Variants in SLC24A3 observed in about 807,000 individuals in gnomAD.
SLC24A3 encodes solute carrier family 24 member 3.
A neutral mutation model predicts 75.8 loss-of-function variants in SLC24A3; 28 were observed. That is an observed-to-expected ratio of 0.37 (90% confidence interval 0.27 to 0.51). The LOEUF is 0.51. SLC24A3 is among the 20% of genes least tolerant of loss of function. The pLI, the probability that SLC24A3 is intolerant of heterozygous loss-of-function variation, is 0.94. For synonymous variants in SLC24A3, 372 were observed against 334.1 expected, an observed-to-expected ratio of 1.11 and a Z score of -1.24; for missense variants, 663 against 847.8, an observed-to-expected ratio of 0.78 and a Z score of 2.71.
chr20:19,460,048 G>T (rs1372213074), intron 2 of SLC24A3, among the ~76,000 whole-genome samples: 1 of 152,178 alleles, frequency 6.6e-6, no homozygotes, highest in Non-Finnish European at 1.5e-5. Context: ...TAGAAAAGAA[G>T]TGGGCCAGGG....
chr20:19,376,617 G>A (rs1333516930), intron 2 of SLC24A3, among the ~76,000 whole-genome samples: 1 of 151,472 alleles, frequency 6.6e-6, no homozygotes, highest in Non-Finnish European at 1.5e-5. Flanking sequence ...TTTTCTGAAA[G>A]GTCATTGCCA....
intron 2 of SLC24A3, among the ~76,000 whole-genome samples, chr20:19,379,878 A>C (rs1456479842): frequency 1.3e-5 from 2 of 152,238 alleles, no homozygotes; most frequent in African/African-American, 4.8e-5. Flanking sequence ...GTATTCTTAT[A>C]GAATTGCTAA....
Position 19,406,707 on chromosome 20 carries a change from T to G in SLC24A3, c.272-108781T>G, listed in dbSNP as rs553060620. On this transcript the variant is annotated intron_variant, in intron 2 of 16. Coordinates refer to ENST00000328041, the MANE Select transcript of SLC24A3 (RefSeq NM_020689.4). ...GGGGAAATCATTACATTTGGGGACC[T>G]GGGGGTGCAGTAGACATCACAGCGT... Among the ~76,000 whole-genome samples, 33 of 152,168 alleles carry G rather than the reference T, an allele frequency of 2.2e-4. 2 individuals carry two copies. Among genetic ancestry groups the G allele is most frequent in the Admixed American group, 1.8e-3 (27 of 15,286 alleles).
chr20:19,428,798 A>G (rs1250104267), intron 2 of SLC24A3, among the ~76,000 whole-genome samples: 1 of 152,170 alleles, frequency 6.6e-6, no homozygotes, highest in Admixed American at 6.5e-5. Context: ...AATTGTAGCT[A>G]TTTAACCTGC....
intron 2 of SLC24A3, among the ~76,000 whole-genome samples, chr20:19,300,783 A>G (rs569853254): frequency 6.6e-6 from 1 of 152,040 alleles, no homozygotes; most frequent in Non-Finnish European, 1.5e-5. Context: ...CTTGCTGCCA[A>G]GTTTTGTGAC....
chr20:19,238,253 G>C (rs560824987), intron 1 of SLC24A3, among the ~76,000 whole-genome samples: 2 of 152,268 alleles, frequency 1.3e-5, no homozygotes, highest in Non-Finnish European at 2.9e-5. Context: ...TTTGTCATCT[G>C]TGTGTCTGTT....
chr20:19,368,086 G>T (rs1985928052), intron 2 of SLC24A3, among the ~76,000 whole-genome samples: 1 of 152,136 alleles, frequency 6.6e-6, no homozygotes, highest in African/African-American at 2.4e-5. Flanking sequence ...GGCTGTGAGG[G>T]TGTGTATGAA....
intron 2 of SLC24A3, among the ~76,000 whole-genome samples, chr20:19,422,082 C>T (rs761620482): frequency 1.1e-4 from 17 of 152,110 alleles, no homozygotes; most frequent in Non-Finnish European, 2.4e-4. Context: ...GGGGTGCTGA[C>T]TCTCTGGCAG....
chr20:19,721,061 G>C lies in SLC24A3; in HGVS notation c.1856G>C (p.Gly619Ala), dbSNP rs201313154. ...KLGCGCLLLY[G>A]VFLCFSIMTE... ...GGCTGTGGGTGCCTCCTCCTGTATG[G>C]TGTGTTCCTGTGCTTCTCCATCATG... is the stretch of plus-strand genomic sequence containing the variant. The change falls in exon 17 of 17, where the codon GGT becomes GCT. Residue 619 changes from glycine to alanine, a missense_variant. This residue lies in a region of SLC24A3 where 510 missense variants were observed against 703.6 expected (regional missense o/e 0.72). Coordinates refer to ENST00000328041, the MANE Select transcript of SLC24A3 (RefSeq NM_020689.4). 1.9e-4 allele frequency: 303 copies of C among 1,614,120 alleles called. 1 individual carries two copies. In the South Asian group the frequency reaches 3.2e-3, roughly 17 times the overall value.
chr20:19,422,842 C>G (rs190622358), intron 2 of SLC24A3, among the ~76,000 whole-genome samples: 1 of 152,164 alleles, frequency 6.6e-6, no homozygotes, highest in African/African-American at 2.4e-5. Flanking sequence ...GGGGGAAGAA[C>G]GAGCCCCCAT....
At chr20:19,394,755 G>A (rs1284224538) in intron 2 of SLC24A3, among the ~76,000 whole-genome samples, 1 of 152,194 alleles carries the variant, frequency 6.6e-6, no homozygotes, top group Non-Finnish European at 1.5e-5. Flanking sequence ...TGGAACCTTT[G>A]TGTACTCTTG....
rs189757476 is a variant in SLC24A3 at position 19,658,763 on chromosome 20, A to G, written c.687+4627A>G. ...GACATCACCTTTTAAATCCTGAAAG[A>G]GTTCTAGGTTCTTTAGAGCCCTTCC... On this transcript the variant is annotated intron_variant, in intron 7 of 16. Transcript: ENST00000328041. Among the ~76,000 whole-genome samples, 129 of 152,240 alleles carry G rather than the reference A, an allele frequency of 8.5e-4. 1 individual carries two copies. Among genetic ancestry groups the G allele is most frequent in the Non-Finnish European group, 1.3e-3 (90 of 68,028 alleles).
At chr20:19,645,357 T>C (rs978747518) in intron 6 of SLC24A3, among the ~76,000 whole-genome samples, 1 of 152,224 alleles carries the variant, frequency 6.6e-6, no homozygotes, top group Non-Finnish European at 1.5e-5. Context: ...TTCAGCATTG[T>C]TGATGCTAAT....
Position 19,229,550 on chromosome 20 carries a change from T to C in SLC24A3, c.142+16566T>C, listed in dbSNP as rs1249664473. On this transcript the variant is annotated intron_variant, in intron 1 of 16. Transcript: ENST00000328041. ...CAAATAGTCTTGTAATTATAGTTTTTATTTTTTCTGCAATTAATTATTTGA... is the reference window on the plus strand; with the variant it reads ...CAAATAGTCTTGTAATTATAGTTTTCATTTTTTCTGCAATTAATTATTTGA... Among the ~76,000 whole-genome samples, 5 of 152,316 alleles carry C rather than the reference T, an allele frequency of 3.3e-5. No homozygotes were observed. In the East Asian group the frequency reaches 9.6e-4, roughly 29 times the overall value.
At position 19,721,169 on chromosome 20, in the gene SLC24A3, C is replaced by T; in HGVS notation, c.*29C>T. ...GCCGGGTGCCCACAGAGGCTCAGCT[C>T]CTTCTTTTCTGTGCAATACGAGACC... is the stretch of plus-strand genomic sequence containing the variant. On this transcript the variant is annotated 3_prime_UTR_variant, in exon 17 of 17. Coordinates refer to ENST00000328041, the MANE Select transcript of SLC24A3 (RefSeq NM_020689.4). 2 of 1,613,092 alleles carry T rather than the reference C, an allele frequency of 1.2e-6. No homozygotes were observed. Among genetic ancestry groups the T allele is most frequent in the Non-Finnish European group, 1.7e-6 (2 of 1,179,776 alleles).
At chr20:19,291,867 TCTGGAAGGAGCAGAGGA>T (rs1983950432) in intron 2 of SLC24A3, among the ~76,000 whole-genome samples, 1 of 152,190 alleles carries the variant, frequency 6.6e-6, no homozygotes, top group South Asian at 2.1e-4. Flanking sequence ...TGGGACAGGC[TCTGGAAGGAGCAGAGGA>T]CTGGGTCCAA....
chr20:19,298,324 T>G (rs1984109641), intron 2 of SLC24A3, among the ~76,000 whole-genome samples: 1 of 152,076 alleles, frequency 6.6e-6, no homozygotes, highest in Non-Finnish European at 1.5e-5. Context: ...GTGTGGATCC[T>G]CATTTGTTTC....
chr20:19,577,712 A>T (rs900689900), intron 3 of SLC24A3, among the ~76,000 whole-genome samples: 2 of 152,162 alleles, frequency 1.3e-5, no homozygotes, highest in Admixed American at 6.5e-5. Flanking sequence ...ATTATTTAAT[A>T]AAAAAAGACA....
intron 2 of SLC24A3, among the ~76,000 whole-genome samples, chr20:19,377,965 A>G (rs1176248812): frequency 1.3e-5 from 2 of 152,208 alleles, no homozygotes; most frequent in Admixed American, 1.3e-4. Flanking sequence ...GGCTGCTTTC[A>G]TGCCACAGTG....
Sources: gnomAD v4.1 joint callset for allele counts (sites outside exome capture counted in the v4.1 genomes callset) on GRCh38, gnomAD v4.1.1 for gene constraint, gnomAD v4.1.1 regional missense constraint, MANE v1.5 for transcripts, NCBI Gene and HGNC (gene_info 2026-07-23, HGNC 2026-07-21) for gene names.